Variants in ZMYM4 observed in about 807,000 individuals in gnomAD.
The protein encoded by ZMYM4 is zinc finger MYM-type protein 4.
In ZMYM4, 31 loss-of-function variants were observed where a neutral mutation model predicts 183.2. That is an observed-to-expected ratio of 0.17 (90% confidence interval 0.13 to 0.23). ZMYM4 has a LOEUF of 0.23. Among genes scored for constraint, ZMYM4 ranks in the 10% least tolerant of loss-of-function variants. ZMYM4 has a pLI of 1.00. For missense variants in ZMYM4, 1,273 were observed against 1,840.3 expected (o/e 0.69, Z 5.64); for synonymous variants, 592 against 631.2 (o/e 0.94, Z 0.93).
chr1:35,405,719 T>G (rs1644990340), intron 25 of ZMYM4, among the ~76,000 whole-genome samples: 1 of 152,128 alleles, frequency 6.6e-6, no homozygotes, highest in African/African-American at 2.4e-5. Flanking sequence ...ATATGTCTTC[T>G]TGAGCCCTGC....
chr1:35,272,120 A>G (rs1639638465), intron 1 of ZMYM4, among the ~76,000 whole-genome samples: 1 of 152,042 alleles, frequency 6.6e-6, no homozygotes, highest in South Asian at 2.1e-4. Context: ...TGGATTCCAT[A>G]TGTATACTCC....
intron 1 of ZMYM4, among the ~76,000 whole-genome samples, chr1:35,295,466 A>G (rs577376503): frequency 6.6e-6 from 1 of 152,306 alleles, no homozygotes; most frequent in South Asian, 2.1e-4. Flanking sequence ...CAGGTTATAG[A>G]TAATGTAGGG....
intron 1 of ZMYM4, among the ~76,000 whole-genome samples, chr1:35,323,012 G>GTTTTT (rs1570351711): frequency 6.6e-6 from 1 of 150,772 alleles, no homozygotes; most frequent in East Asian, 2.0e-4. Flanking sequence ...TTTTGTTTTT[G>GTTTTT]TTTTTGAGAC....
In ZMYM4 at chr1:35,397,542, G is replaced by A. The variant is rs749782109; in HGVS notation, c.3196G>A (p.Gly1066Arg). The part of the protein sequence containing the change: ...EDEEKKTLSQ[G>R]ESQTSEHELF... ...TGAAGAGAAGAAGACTCTATCTCAGGGAGGTTGGTATACTCTTTAAAAGTA... is the reference window on the plus strand; with the variant it reads ...TGAAGAGAAGAAGACTCTATCTCAGAGAGGTTGGTATACTCTTTAAAAGTA... Residue 1066 changes from glycine (G) to arginine (R), a missense_variant, in exon 20 of 30, where the codon GGA (glycine) becomes AGA (arginine). Gly to Arg is a moderately radical substitution (Grantham distance 125, BLOSUM62 -2). Around this residue, in one of 6 missense-constraint regions of ZMYM4, gnomAD observed 290 missense variants for 353.3 expected, o/e 0.82. Transcript: ENST00000314607. 3.1e-6 allele frequency: 5 copies of A among 1,606,232 alleles called. No homozygotes were observed. Among genetic ancestry groups the A allele is most frequent in the Middle Eastern group, 1.7e-4 (1 of 6,022 alleles).
At chr1:35,281,311 T>TA (rs938404178) in intron 1 of ZMYM4, among the ~76,000 whole-genome samples, 1 of 151,638 alleles carries the variant, frequency 6.6e-6, no homozygotes, top group Admixed American at 6.6e-5. Context: ...ACCTTAAGTT[T>TA]AAAAAAATGT....
At chr1:35,361,483 C>A in intron 4 of ZMYM4, 136 bp from the exon 5 acceptor site, 1 of 1,053,824 alleles carries the variant, frequency 9.5e-7, no homozygotes, top group Non-Finnish European at 1.4e-6. Context: ...TACTTTTAGG[C>A]GTAGGCATAA....
At chr1:35,318,695 T>C (rs577762312) in intron 1 of ZMYM4, among the ~76,000 whole-genome samples, 1 of 152,260 alleles carries the variant, frequency 6.6e-6, no homozygotes, top group African/African-American at 2.4e-5. Flanking sequence ...TGACCTCAAG[T>C]CATCCGCCTG....
In ZMYM4 at chr1:35,398,427, G is replaced by T; in HGVS notation, c.3214G>T (p.Glu1072Ter). The T allele has an allele frequency of 1.2e-6, 2 of 1,610,402 alleles. No homozygotes were observed. The highest frequency in any genetic ancestry group is 2.2e-5 in the South Asian group (2 of 90,174). The change falls in exon 21 of 30, where the codon GAA (glutamate) becomes TAA (stop). Residue 1072 changes from glutamate (E) to a stop codon, truncating the protein, a stop_gained. Transcript: ENST00000314607. LOFTEE classifies it high-confidence loss of function. The part of the protein sequence containing the change: ...TLSQGESQTS[E>*]HELFLDTKIF... ...TTTTTCTTTAGAGTCCCAAACTTCT[G>T]AACACGAACTCTTTCTAGACACCAA... is the stretch of plus-strand genomic sequence containing the variant.
In ZMYM4 at chr1:35,389,097, C is replaced by T. The variant is rs776346659; in HGVS notation, c.2436+15C>T. The T allele has an allele frequency of 2.5e-6, 4 of 1,601,528 alleles. No homozygotes were observed. The highest frequency in any genetic ancestry group is 3.4e-6 in the Non-Finnish European group (4 of 1,174,230). ...TGTTCTATCAGGTAAATAGAATTCACATTCCTGGGTTTTTCATTCTAGGGC... is the reference window on the plus strand; with the variant it reads ...TGTTCTATCAGGTAAATAGAATTCATATTCCTGGGTTTTTCATTCTAGGGC... On this transcript the variant is annotated intron_variant, in intron 14 of 29. Coordinates refer to ENST00000314607, the MANE Select transcript of ZMYM4 (RefSeq NM_005095.3). The surrounding 1 kb of genome is among the most constrained non-coding windows in gnomAD (Gnocchi z 4.0).
chr1:35,367,126 TACAC>T (rs1362175143), intron 5 of ZMYM4, among the ~76,000 whole-genome samples: 3 of 152,016 alleles, frequency 2.0e-5, no homozygotes, highest in Admixed American at 6.6e-5. Context: ...GGCATGCACA[TACAC>T]ACACTTATTA....
chr1:35,305,129 C>T (rs1305400416), intron 1 of ZMYM4, among the ~76,000 whole-genome samples: 5 of 152,182 alleles, frequency 3.3e-5, no homozygotes, highest in Admixed American at 1.3e-4. Flanking sequence ...CAGGCGTGAG[C>T]GACTGCGCCC....
At position 35,359,019 on chromosome 1, in the gene ZMYM4, A is replaced by G; in HGVS notation, c.180A>G (p.Thr60=). Residue 60 remains threonine (T), a synonymous_variant, in exon 3 of 30, where the codon ACA becomes ACG. Coordinates refer to ENST00000314607, the MANE Select transcript of ZMYM4 (RefSeq NM_005095.3). ...TGTCTTATGGAATGCCGAATCAAACAGGATCTGAAAATTCATTGCTGGATG... is the reference window on the plus strand; with the variant it reads ...TGTCTTATGGAATGCCGAATCAAACGGGATCTGAAAATTCATTGCTGGATG... ...DSMSYGMPNQ[T]GSENSLLDED... is the part of the protein sequence containing the mutation. The G allele has an allele frequency of 1.2e-6, 2 of 1,613,820 alleles. No homozygotes were observed. The highest frequency in any genetic ancestry group is 1.7e-6 in the Non-Finnish European group (2 of 1,179,752).
intron 18 of ZMYM4, among the ~76,000 whole-genome samples, chr1:35,394,914 G>A (rs559877999): frequency 1.2e-4 from 19 of 152,186 alleles, no homozygotes; most frequent in African/African-American, 4.3e-4. Flanking sequence ...AAGAGTTCAA[G>A]ACCAGCACGG....
chr1:35,300,087 G>A (rs1167742804), intron 1 of ZMYM4, among the ~76,000 whole-genome samples: 1 of 152,238 alleles, frequency 6.6e-6, no homozygotes, highest in South Asian at 2.1e-4. Flanking sequence ...GAGCCACTAT[G>A]CCCGGCAACA....
rs775211352 is a variant in ZMYM4, at chr1:35,282,980, G to GTTTTTTTTTTTTTT, written c.39+13918_39+13931dup. 5.0e-4 allele frequency among the ~76,000 whole-genome samples: 13 copies of GTTTTTTTTTTTTTT among 26,258 alleles called. 6 individuals are homozygous for GTTTTTTTTTTTTTT. The highest frequency in any genetic ancestry group is 1.2e-3 in the Non-Finnish European group (10 of 8,634). 17.2% of individuals were successfully genotyped at this position (26,258 alleles called of 152,430 possible). On this transcript the variant is annotated intron_variant, in intron 1 of 29. Coordinates refer to ENST00000314607, the MANE Select transcript of ZMYM4 (RefSeq NM_005095.3). ...ATACTTGTTGTTTTCTGTGTGTGTGGTTTTTTTTTTTTTTTTTTTTTTTTT... is the reference window on the plus strand; with the variant it reads ...ATACTTGTTGTTTTCTGTGTGTGTGGTTTTTTTTTTTTTTTTTTTTTTTTTTTTTTTTTTTTTTT...
chr1:35,279,133 A>C (rs1034928092), intron 1 of ZMYM4, among the ~76,000 whole-genome samples: 9 of 151,830 alleles, frequency 5.9e-5, no homozygotes, highest in African/African-American at 1.5e-4. Flanking sequence ...CCCAACCCCC[A>C]CTATGCTGCT....
At chr1:35,381,813 T>C in intron 9 of ZMYM4, 55 bp downstream of exon 9, 1 of 1,578,806 alleles carries the variant, frequency 6.3e-7, no homozygotes, top group Non-Finnish European at 8.6e-7. Context: ...AATCTGTATT[T>C]TTAGTCAGAA....
chr1:35,293,855 ATTAT>A (rs1288971162), intron 1 of ZMYM4, among the ~76,000 whole-genome samples: 1 of 152,164 alleles, frequency 6.6e-6, no homozygotes, highest in Non-Finnish European at 1.5e-5. Context: ...GAATACTTGA[ATTAT>A]TTAAGAATCA....
At chr1:35,309,723 A>G (rs1366610432) in intron 1 of ZMYM4, among the ~76,000 whole-genome samples, 1 of 152,120 alleles carries the variant, frequency 6.6e-6, no homozygotes. Context: ...GCTTGAGGCT[A>G]CAGTGAGCTA....
Sources: gnomAD v4.1 joint callset for allele counts (sites outside exome capture counted in the v4.1 genomes callset) on GRCh38, gnomAD v4.1.1 for gene constraint, gnomAD v4.1.1 regional missense constraint, Gnocchi (gnomAD v3.1) non-coding constraint, MANE v1.5 for transcripts, NCBI Gene and HGNC (gene_info 2026-07-23, HGNC 2026-07-21) for gene names.